The following ZNF469 variants were observed in gnomAD, a reference collection of about 807,000 sequenced individuals.
ZNF469 encodes the protein zinc finger protein 469.
In ZNF469, 1 loss-of-function variant was observed where a neutral mutation model predicts 1.0. The ratio of observed to expected loss-of-function variants is 1.00; its 90% CI spans 0.35 to 4.73. The LOEUF (loss-of-function observed/expected upper bound fraction) is 4.73, where lower values mean the gene tolerates loss of function less well. Among genes scored for constraint, ZNF469 ranks in the 30% most tolerant of loss-of-function variants. ZNF469 has a pLI of 0.16. For synonymous variants in ZNF469, 2,703 were observed against 2,363.4 expected, an observed-to-expected ratio of 1.14 and a Z score of -4.17; for missense variants, 6,100 against 5,356.3, an observed-to-expected ratio of 1.14 and a Z score of -4.33.
the ZNF469 span, among the ~76,000 whole-genome samples, chr16:88,175,192 C>T: frequency 7.9e-5 from 12 of 152,194 alleles, no homozygotes; most frequent in African/African-American, 2.2e-4. Flanking sequence ...TGCAAAATCC[C>T]CGCACAGCAG....
chr16:88,157,555 G>T, the ZNF469 span, among the ~76,000 whole-genome samples: 1 of 151,972 alleles, frequency 6.6e-6, no homozygotes, highest in Non-Finnish European at 1.5e-5. Context: ...TCCACCCTCC[G>T]CCACCCCCTC....
At chr16:88,209,911 G>T in the ZNF469 span, among the ~76,000 whole-genome samples, 1 of 152,178 alleles carries the variant, frequency 6.6e-6, no homozygotes, top group Non-Finnish European at 1.5e-5. Context: ...TCATACTGTT[G>T]TAAGAGTATC....
chr16:88,182,165 C>A, the ZNF469 span, among the ~76,000 whole-genome samples: 5 of 151,960 alleles, frequency 3.3e-5, no homozygotes, highest in Admixed American at 6.5e-5. Context: ...ATAAATCTTA[C>A]AAAATATGTG....
At chr16:88,157,725 C>T in the ZNF469 span, among the ~76,000 whole-genome samples, 3 of 152,318 alleles carry the variant, frequency 2.0e-5, no homozygotes, top group South Asian at 4.1e-4. Context: ...CCTCCTGGGC[C>T]CCAGATGCCT....
At chr16:88,106,169 C>T in the ZNF469 span, among the ~76,000 whole-genome samples, 20 of 152,328 alleles carry the variant, frequency 1.3e-4, no homozygotes, top group Admixed American at 9.1e-4. Flanking sequence ...GACAGTGTGG[C>T]GGGCGCCAGC....
chr16:88,428,801 C>T lies in ZNF469; in HGVS notation c.1331C>T (p.Thr444Ile). ...AGGCTGCCCCAGCTGTGGGACCCCA[C>T]AGCAGCCCCTTACCCCACACCTCCT... ...PARLPQLWDP[T>I]AAPYPTPPGG... is the part of the protein sequence containing the mutation. Residue 444 changes from threonine (T) to isoleucine (I), a missense_variant, in exon 3 of 3, where the codon ACA becomes ATA. Transcript: ENST00000565624. 1 of 1,546,976 alleles carries T rather than the reference C, an allele frequency of 6.5e-7. No individual in the cohort carries two copies. The highest frequency in any genetic ancestry group is 1.7e-4 in the Middle Eastern group (1 of 5,958).
chr16:88,110,960 G>A, the ZNF469 span, among the ~76,000 whole-genome samples: 4 of 152,268 alleles, frequency 2.6e-5, no homozygotes, highest in Admixed American at 2.0e-4. Context: ...CAGTGTCCGT[G>A]GCAGGGAAGC....
chr16:88,126,320 G>A, the ZNF469 span, among the ~76,000 whole-genome samples: 70,402 of 149,838 alleles, frequency 0.47, 19,870 homozygotes, highest in Non-Finnish European at 0.64. Context: ...TTACTGTACT[G>A]GCTGGAACCT....
chr16:88,287,143 C>T, the ZNF469 span, among the ~76,000 whole-genome samples: 80 of 152,258 alleles, frequency 5.3e-4, no homozygotes, highest in African/African-American at 1.9e-3. Flanking sequence ...TTTATTTCAC[C>T]GAATCTTCAG....
At chr16:88,380,304 AAC>A (rs550342092), upstream of ZNF469, among the ~76,000 whole-genome samples, 58 of 84,260 alleles carry the variant, frequency 6.9e-4, no homozygotes, top group Middle Eastern at 0.024. Context: ...CACGCACTAA[AAC>A]ACAGACATGC....
intron 2 of ZNF469, among the ~76,000 whole-genome samples, chr16:88,425,480 C>T (rs1905660232): frequency 6.6e-6 from 1 of 152,176 alleles, no homozygotes; most frequent in Admixed American, 6.5e-5. Flanking sequence ...AGGAGATGTG[C>T]AGGGCAGGAG....
the ZNF469 span, among the ~76,000 whole-genome samples, chr16:88,327,792 G>A: frequency 5.9e-5 from 9 of 152,352 alleles, no homozygotes; most frequent in East Asian, 1.5e-3. Context: ...TGGAGAGGCC[G>A]CAGTGTGGTC....
At chr16:88,398,628 C>T (rs999635630) in intron 1 of ZNF469, among the ~76,000 whole-genome samples, 1 of 130,192 alleles carries the variant, frequency 7.7e-6, no homozygotes, top group African/African-American at 3.0e-5. Flanking sequence ...GATGAAGGGA[C>T]ATATGAGCCA....
At chr16:88,323,195 C>A in the ZNF469 span, among the ~76,000 whole-genome samples, 1 of 152,186 alleles carries the variant, frequency 6.6e-6, no homozygotes, top group Non-Finnish European at 1.5e-5. Context: ...CCTTCTGCCA[C>A]GCAGTCTGCC....
At chr16:88,212,943 T>C in the ZNF469 span, among the ~76,000 whole-genome samples, 2 of 152,224 alleles carry the variant, frequency 1.3e-5, no homozygotes, top group Non-Finnish European at 2.9e-5. Flanking sequence ...TCCATCTATG[T>C]CCTTAGTTTT....
the ZNF469 span, among the ~76,000 whole-genome samples, chr16:88,118,318 TC>T: frequency 6.6e-6 from 1 of 152,246 alleles, no homozygotes; most frequent in Non-Finnish European, 1.5e-5. Flanking sequence ...TTAGAATTCT[TC>T]GCAGTGTTCT....
the ZNF469 span, among the ~76,000 whole-genome samples, chr16:88,197,093 C>G: frequency 1.6e-4 from 24 of 152,344 alleles, no homozygotes; most frequent in Non-Finnish European, 2.9e-4. Flanking sequence ...GCGCTCACTT[C>G]CCTATAGATC....
the ZNF469 span, among the ~76,000 whole-genome samples, chr16:88,135,183 T>C: frequency 6.6e-6 from 1 of 152,246 alleles, no homozygotes; most frequent in Non-Finnish European, 1.5e-5. Context: ...GGCAGGGCTA[T>C]GAAGGAATCG....
Position 88,437,370 on chromosome 16 carries a change from C to A in ZNF469, c.9900C>A (p.Gly3300=), listed in dbSNP as rs569542889. The change falls in exon 3 of 3, where the codon GGC becomes GGA. Residue 3300 remains glycine, a synonymous_variant. Transcript: ENST00000565624. Reference sequence around the variant, plus strand: ...CTGCCACCGCCCTGGCTGACGCCGGCAGCCCGGGCCCCCCCAGGACGACCC... The same window carrying A: ...CTGCCACCGCCCTGGCTGACGCCGGAAGCCCGGGCCCCCCCAGGACGACCC... The part of the protein sequence containing the change: ...SASATALADA[G]SPGPPRTTPS... 215 of 1,539,452 alleles carry A rather than the reference C, an allele frequency of 1.4e-4. No homozygotes were observed. The highest frequency in any genetic ancestry group is 9.9e-5 in the Admixed American group (5 of 50,278).
Sources: allele counts gnomAD v4.1 joint callset (sites outside exome capture counted in the v4.1 genomes callset), GRCh38; gene constraint gnomAD v4.1.1; transcripts MANE v1.5; gene names NCBI Gene and HGNC (gene_info 2026-07-23, HGNC 2026-07-21).